The following SCN1A variants were observed in gnomAD, a reference collection of about 807,000 sequenced individuals.
SCN1A encodes the protein sodium voltage-gated channel alpha subunit 1, also known as sodium channel protein type 1 subunit alpha.
SCN1A carries 13 observed loss-of-function variants against 193.7 expected under a neutral mutation model. That is an observed-to-expected ratio of 0.07 (90% CI 0.04 to 0.11). SCN1A has a LOEUF of 0.11. Ranked by LOEUF, SCN1A falls within the 10% of genes least tolerant of loss-of-function variation. The pLI is 1.00. For missense variants in SCN1A, 1,432 were observed against 2,451.1 expected (o/e 0.58, Z 8.78); for synonymous variants, 781 against 843.6 (o/e 0.93, Z 1.29).
At chr2:166,101,929 A>C (rs1292818261) in intron 2 of SCN1A, among the ~76,000 whole-genome samples, 1 of 152,210 alleles carries the variant, frequency 6.6e-6, no homozygotes, top group Non-Finnish European at 1.5e-5. Flanking sequence ...TCAATAGAGT[A>C]AACAGACAAC....
chr2:166,092,566 A>G (rs1686928420), intron 2 of SCN1A: 1 of 152,336 alleles, frequency 6.6e-6, no homozygotes, highest in Non-Finnish European at 1.5e-5. Context: ...AGGTCTCGCT[A>G]TGTTGCCTAG....
chr2:166,046,991 A>G lies in SCN1A; in HGVS notation c.1171-15T>C. ...GCACGTAATGTCTGCAAACAAAAAT[A>G]TCAGAATTATTTCTCAATATTATTT... On this transcript the variant is annotated splice_polypyrimidine_tract_variant and intron_variant, in intron 11 of 28. Transcript: ENST00000674923. 1 of 1,609,300 alleles carries G rather than the reference A, an allele frequency of 6.2e-7. No homozygotes were observed. Among genetic ancestry groups the G allele is most frequent in the Non-Finnish European group, 8.5e-7 (1 of 1,175,564 alleles).
chr2:166,015,996 C>A, intron 19 of SCN1A: 1 of 406,280 alleles, frequency 2.5e-6, no homozygotes, highest in Non-Finnish European at 4.6e-6. Flanking sequence ...GAGCAAAACA[C>A]TGCCTTGTGG....
intron 17 of SCN1A, 88 bp from the exon 18 acceptor site, chr2:166,038,220 C>A: frequency 1.0e-6 from 1 of 969,812 alleles, no homozygotes; most frequent in South Asian, 1.7e-5. Context: ...CATTAGAATT[C>A]AATATCTTAC....
intron 26 of SCN1A, 77 bp downstream of exon 26, chr2:165,997,961 G>A: frequency 8.6e-7 from 1 of 1,161,638 alleles, no homozygotes; most frequent in Non-Finnish European, 1.3e-6. Context: ...CTAAATTCAA[G>A]TACTCATTTG....
intron 4 of SCN1A, among the ~76,000 whole-genome samples, chr2:166,063,907 A>G (rs1841549): frequency 0.2 from 30,932 of 152,030 alleles, 3,409 homozygotes; most frequent in East Asian, 0.36. Flanking sequence ...CACAAGGCTA[A>G]TTAATCTCTG....
At chr2:166,079,587 C>T (rs561424735) in intron 2 of SCN1A, among the ~76,000 whole-genome samples, 1 of 150,664 alleles carries the variant, frequency 6.6e-6, no homozygotes, top group Non-Finnish European at 1.5e-5. Flanking sequence ...GAGTGCCACA[C>T]TTGATGTTAT....
intron 1 of SCN1A, among the ~76,000 whole-genome samples, chr2:166,146,215 A>G (rs1450510232): frequency 6.6e-6 from 1 of 152,130 alleles, no homozygotes; most frequent in Non-Finnish European, 1.5e-5. Context: ...TGACTGTGGT[A>G]TTGGTAGATA....
At chr2:166,146,412 G>A (rs1183698995) in intron 1 of SCN1A, among the ~76,000 whole-genome samples, 1 of 152,162 alleles carries the variant, frequency 6.6e-6, no homozygotes, top group Non-Finnish European at 1.5e-5. Context: ...TATTATGATG[G>A]AACTTTTCAT....
At chr2:166,018,175 A>G (rs978569289) in intron 19 of SCN1A, among the ~76,000 whole-genome samples, 13 of 152,016 alleles carry the variant, frequency 8.6e-5, no homozygotes, top group Admixed American at 5.2e-4. Flanking sequence ...ATTGCCAATA[A>G]CTAGTTTTGC....
intron 6 of SCN1A, among the ~76,000 whole-genome samples, 169 bp from the exon 7 acceptor site, chr2:166,054,935 C>T (rs1698978379): frequency 6.6e-6 from 1 of 151,958 alleles, no homozygotes; most frequent in South Asian, 2.1e-4. Flanking sequence ...ATTCAGCTTC[C>T]TAACACAAAG....
chr2:166,143,072 T>G (rs1402753165), intron 1 of SCN1A, among the ~76,000 whole-genome samples: 1 of 43,424 alleles, frequency 2.3e-5, no homozygotes, highest in Non-Finnish European at 4.2e-5. Flanking sequence ...AATACACTCG[T>G]TGAATATAAA....
intron 4 of SCN1A, among the ~76,000 whole-genome samples, chr2:166,062,169 G>T (rs1683378592): frequency 6.6e-6 from 1 of 152,074 alleles, no homozygotes; most frequent in Non-Finnish European, 1.5e-5. Context: ...TCTTCTGTGA[G>T]AACTCCATTT....
intron 17 of SCN1A, among the ~76,000 whole-genome samples, chr2:166,038,505 TA>T (rs1277161844): frequency 6.6e-6 from 1 of 151,962 alleles, no homozygotes; most frequent in Non-Finnish European, 1.5e-5. Context: ...CACACCTGGT[TA>T]AATATATATA....
At chr2:166,030,345 A>G (rs919382706) in intron 19 of SCN1A, among the ~76,000 whole-genome samples, 3 of 152,166 alleles carry the variant, frequency 2.0e-5, no homozygotes, top group African/African-American at 7.2e-5. Flanking sequence ...TATGCCCTCC[A>G]ATAGTACTTT....
chr2:166,072,699 A>AT (rs1684551148), intron 4 of SCN1A, among the ~76,000 whole-genome samples: 1 of 152,074 alleles, frequency 6.6e-6, no homozygotes, highest in Non-Finnish European at 1.5e-5. Flanking sequence ...ATTTCCAAGT[A>AT]TTTCCAAGTA....
upstream of SCN1A, among the ~76,000 whole-genome samples, chr2:166,129,300 G>T (rs1482156630): frequency 1.3e-5 from 2 of 152,066 alleles, no homozygotes; most frequent in African/African-American, 4.8e-5. Context: ...ATACCTAAAA[G>T]TTCACCATTT....
chr2:166,145,953 G>A (rs1289401493), intron 1 of SCN1A, among the ~76,000 whole-genome samples: 1 of 152,140 alleles, frequency 6.6e-6, no homozygotes, highest in Non-Finnish European at 1.5e-5. Context: ...GATCTCTCAG[G>A]GAGGGGATGA....
At chr2:166,080,622 A>G (rs940272072) in intron 2 of SCN1A, among the ~76,000 whole-genome samples, 1 of 144,072 alleles carries the variant, frequency 6.9e-6, no homozygotes, top group Admixed American at 6.7e-5. Flanking sequence ...AAGCAATCCT[A>G]AAGAAGACAG....
Sources: allele counts gnomAD v4.1 joint callset (sites outside exome capture counted in the v4.1 genomes callset), GRCh38; gene constraint gnomAD v4.1.1; transcripts MANE v1.5; gene names NCBI Gene and HGNC (gene_info 2026-07-23, HGNC 2026-07-21).